The following RTTN variants were observed in gnomAD, a reference collection of about 807,000 sequenced individuals.
The protein encoded by RTTN is rotatin.
Under a neutral mutation model 269.2 loss-of-function variants are expected in RTTN, and 182 were observed. That is an observed-to-expected ratio of 0.68 (90% CI 0.60 to 0.76). The LOEUF (loss-of-function observed/expected upper bound fraction) is 0.76. RTTN is among the 30% of genes least tolerant of loss of function. The probability of loss-of-function intolerance (pLI) is 0.00; values close to 1 mark genes in which losing one functional copy is unlikely to be tolerated. For missense variants in RTTN, 2,545 were observed against 2,608.6 expected, an observed-to-expected ratio of 0.98 and a Z score of 0.53; for synonymous variants, 1,006 against 963.5, an observed-to-expected ratio of 1.04 and a Z score of -0.82.
At chr18:70,132,559 TA>T (rs566856390) in intron 23 of RTTN, among the ~76,000 whole-genome samples, 6 of 150,370 alleles carry the variant, frequency 4.0e-5, no homozygotes, top group South Asian at 2.1e-4. Context: ...CTTGCATCAA[TA>T]AAAAAAAATC....
intron 7 of RTTN, chr18:70,194,469 G>A (rs570409916): frequency 2.4e-4 from 37 of 152,296 alleles, no homozygotes; most frequent in African/African-American, 8.7e-4. Context: ...TTACCCAAAA[G>A]AATTGAAACC....
At chr18:70,145,913 GT>G (rs1411154705) in intron 17 of RTTN, 130 bp from the exon 18 acceptor site, 39 of 523,322 alleles carry the variant, frequency 7.5e-5, no homozygotes, top group Non-Finnish European at 1.2e-4. Context: ...GCCATTACTA[GT>G]AATAATTTAC....
chr18:70,140,884 A>T (rs2060240036), intron 19 of RTTN, among the ~76,000 whole-genome samples: 1 of 152,168 alleles, frequency 6.6e-6, no homozygotes, highest in South Asian at 2.1e-4. Context: ...CAACTTGCAG[A>T]CAAATTTTCT....
intron 14 of RTTN, among the ~76,000 whole-genome samples, chr18:70,163,512 A>T (rs1003537399): frequency 3.3e-5 from 5 of 152,174 alleles, no homozygotes; most frequent in African/African-American, 9.7e-5. Flanking sequence ...CAAAAATTAA[A>T]CACAGAATTA....
chr18:70,082,430 A>T (rs2058593689), intron 32 of RTTN, among the ~76,000 whole-genome samples: 1 of 152,116 alleles, frequency 6.6e-6, no homozygotes, highest in Non-Finnish European at 1.5e-5. Context: ...AGAAAATTAC[A>T]TCAATAATCC....
At chr18:70,006,263 T>C in intron 47 of RTTN, 118 bp downstream of exon 47, 1 of 665,508 alleles carries the variant, frequency 1.5e-6, no homozygotes, top group Non-Finnish European at 2.7e-6. Flanking sequence ...GGATCTTTGA[T>C]TTTGTCTTTT....
intron 17 of RTTN, among the ~76,000 whole-genome samples, chr18:70,147,187 AC>A (rs1461273640): frequency 7.9e-5 from 12 of 152,280 alleles, no homozygotes; most frequent in Admixed American, 7.2e-4. Context: ...ATTCTTTAAA[AC>A]TTTTGAGTAC....
At chr18:70,007,223 C>T (rs2056221721) in intron 46 of RTTN, among the ~76,000 whole-genome samples, 2 of 152,278 alleles carry the variant, frequency 1.3e-5, no homozygotes, top group Middle Eastern at 3.4e-3. Flanking sequence ...CGGTGCATTC[C>T]GGCCCAGATA....
intron 38 of RTTN, among the ~76,000 whole-genome samples, chr18:70,051,853 C>A (rs1259044921): frequency 6.6e-6 from 1 of 152,144 alleles, no homozygotes; most frequent in East Asian, 1.9e-4. Flanking sequence ...GCCATGACTG[C>A]AGAACTACAT....
chr18:70,101,839 G>T (rs1264991552), intron 28 of RTTN, among the ~76,000 whole-genome samples: 2 of 152,216 alleles, frequency 1.3e-5, no homozygotes, highest in East Asian at 3.8e-4. Context: ...TACGTACCCA[G>T]TAGTCATTCA....
chr18:70,141,936 C>G lies in RTTN; in HGVS notation c.2581+352G>C, dbSNP rs116887150. 6.0e-3 allele frequency among the ~76,000 whole-genome samples: 909 copies of G among 152,208 alleles called. 3 individuals are homozygous for G. Among genetic ancestry groups the G allele is most frequent in the Middle Eastern group, 0.01 (3 of 294 alleles). On this transcript the variant is annotated intron_variant, in intron 19 of 48. Transcript: ENST00000640769. ...AACAGAGGAAGGAACATGCACTTCA[C>G]TATTGGAAGTACACTAATATTTTAG...
chr18:70,164,617 C>T (rs1192070795), intron 14 of RTTN, among the ~76,000 whole-genome samples: 2 of 151,960 alleles, frequency 1.3e-5, no homozygotes, highest in Admixed American at 1.3e-4. Flanking sequence ...CTGAGAAATT[C>T]TACCCAAATA....
intron 30 of RTTN, among the ~76,000 whole-genome samples, chr18:70,091,168 G>C: frequency 6.6e-6 from 1 of 152,112 alleles, no homozygotes; most frequent in East Asian, 1.9e-4. Context: ...CTTTACAGTT[G>C]ATTTGGGAAT....
intron 32 of RTTN, 99 bp from the exon 33 acceptor site, chr18:70,075,640 G>A (rs1326632444): frequency 2.0e-5 from 18 of 894,548 alleles, no homozygotes; most frequent in Non-Finnish European, 2.9e-5. Flanking sequence ...ATGGGTCCCA[G>A]ATGCTCCCAT....
intron 43 of RTTN, 151 bp from the exon 44 acceptor site, chr18:70,024,999 C>T (rs1182710866): frequency 6.0e-6 from 5 of 829,160 alleles, no homozygotes; most frequent in Non-Finnish European, 9.2e-6. Context: ...TTGGGCTCCA[C>T]ACATGGCTGC....
At chr18:70,128,032 T>C (rs1370370895) in intron 24 of RTTN, 1 of 441,650 alleles carries the variant, frequency 2.3e-6, no homozygotes, top group East Asian at 4.2e-5. Context: ...ACACTAATGA[T>C]AACACTCATG....
chr18:70,043,686 G>A (rs148648282), intron 40 of RTTN, among the ~76,000 whole-genome samples: 53 of 152,170 alleles, frequency 3.5e-4, no homozygotes, highest in Admixed American at 9.2e-4. Flanking sequence ...ATGTGTACAT[G>A]GTAAAACTGA....
At position 70,187,760 on chromosome 18, in the gene RTTN, C is replaced by T. The variant is rs959616864; in HGVS notation, c.1305+348G>A. 5.2e-4 allele frequency among the ~76,000 whole-genome samples: 79 copies of T among 152,092 alleles called. 2 individuals carry two copies. The highest frequency in any genetic ancestry group is 1.9e-4 in the Non-Finnish European group (13 of 68,006). ...GCTAGGAACGAAGACTTTCTACAAGCGCAAGGATAAGAAATACAAATTTAA... is the reference window on the plus strand; with the variant it reads ...GCTAGGAACGAAGACTTTCTACAAGTGCAAGGATAAGAAATACAAATTTAA... On this transcript the variant is annotated intron_variant, in intron 10 of 48. Transcript: ENST00000640769.
intron 31 of RTTN, among the ~76,000 whole-genome samples, chr18:70,087,708 TA>T (rs925897440): frequency 6.6e-6 from 1 of 152,148 alleles, no homozygotes; most frequent in Non-Finnish European, 1.5e-5. Flanking sequence ...TGAGATAATA[TA>T]AAAGTAATTT....
Sources: gnomAD v4.1 joint callset for allele counts (sites outside exome capture counted in the v4.1 genomes callset) on GRCh38, gnomAD v4.1.1 for gene constraint, MANE v1.5 for transcripts, NCBI Gene and HGNC (gene_info 2026-07-23, HGNC 2026-07-21) for gene names.